The following FGF12 variants were observed in gnomAD, a reference collection of about 807,000 sequenced individuals.
FGF12 encodes the protein fibroblast growth factor 12B.
FGF12 carries 14 observed loss-of-function variants against 23.6 expected under a neutral mutation model. The observed-to-expected ratio is 0.59, with a 90% confidence interval of 0.39 to 0.93. FGF12 has a LOEUF of 0.93. FGF12 is among the 40% of genes least tolerant of loss of function. The probability of loss-of-function intolerance (pLI) is 0.00; values close to 1 mark genes in which losing one functional copy is unlikely to be tolerated. For synonymous variants in FGF12, 62 were observed against 77.3 expected (o/e 0.80, Z 1.04); for missense variants, 175 against 217.8 (o/e 0.80, Z 1.24).
intron 2 of FGF12, among the ~76,000 whole-genome samples, chr3:192,650,889 A>C (rs957369580): frequency 1.3e-5 from 2 of 152,232 alleles, no homozygotes; most frequent in Admixed American, 1.3e-4. Flanking sequence ...AAATATGAAT[A>C]ACATGAATAT....
rs149165916 is a variant in FGF12, at chr3:192,169,280, G to A, written c.427+1178C>T. ...CGCTGGAACCCAGGGGGCAGAGGCT[G>A]CAGTGAGCCGAGATTGCACCACCGC... On this transcript the variant is annotated intron_variant, in intron 5 of 5. Coordinates refer to ENST00000445105, the MANE Select transcript of FGF12 (RefSeq NM_004113.6). Among the ~76,000 whole-genome samples the A allele has an allele frequency of 2.8e-3, 419 of 152,284 alleles. 1 individual carries two copies. Among genetic ancestry groups the A allele is most frequent in the African/African-American group, 9.6e-3 (398 of 41,556 alleles).
At chr3:192,268,330 A>G (rs147530810) in intron 4 of FGF12, among the ~76,000 whole-genome samples, 5 of 152,302 alleles carry the variant, frequency 3.3e-5, no homozygotes, top group African/African-American at 1.2e-4. Context: ...ACTAGATTTA[A>G]CACCAGAACT....
chr3:192,326,340 G>A (rs964651145), intron 4 of FGF12, among the ~76,000 whole-genome samples: 1 of 152,088 alleles, frequency 6.6e-6, no homozygotes, highest in Non-Finnish European at 1.5e-5. Flanking sequence ...ATGATAGTGA[G>A]GAAGTAAAAG....
At chr3:192,551,925 T>G (rs1191424613) in intron 2 of FGF12, among the ~76,000 whole-genome samples, 1 of 152,054 alleles carries the variant, frequency 6.6e-6, no homozygotes, top group Non-Finnish European at 1.5e-5. Flanking sequence ...AATAAGGAGA[T>G]AAAGACCTTA....
chr3:192,542,351 T>C (rs1384467555), intron 2 of FGF12, among the ~76,000 whole-genome samples: 1 of 152,222 alleles, frequency 6.6e-6, no homozygotes, highest in Non-Finnish European at 1.5e-5. Context: ...TCTTTTTTAA[T>C]TATTTGAATT....
intron 2 of FGF12, among the ~76,000 whole-genome samples, chr3:192,581,509 T>TATAC (rs1445286163): frequency 2.9e-5 from 4 of 138,482 alleles, no homozygotes; most frequent in African/African-American, 1.1e-4. Context: ...TATATATATA[T>TATAC]ACAGGAAGAA....
intron 2 of FGF12, among the ~76,000 whole-genome samples, chr3:192,669,123 A>G (rs1231028608): frequency 1.3e-5 from 2 of 152,236 alleles, no homozygotes; most frequent in East Asian, 1.9e-4. Context: ...AAGAATCTCA[A>G]TAGATACGCT....
chr3:192,640,492 C>T (rs930963722), intron 2 of FGF12, among the ~76,000 whole-genome samples: 1 of 151,970 alleles, frequency 6.6e-6, no homozygotes, highest in African/African-American at 2.4e-5. Context: ...TATTCAGAGC[C>T]ATTAAATCAC....
rs1318020893 is a variant in FGF12, at chr3:192,409,452, C to T, written c.14-48914G>A. ...CGCCCTGGCGGGCTCGGGATCAGGT[C>T]ATCGCCGCGCTGCTGCCCGTGCCCC... On this transcript the variant is annotated intron_variant, in intron 2 of 5. Transcript: ENST00000445105. The surrounding 1 kb of genome is among the most constrained non-coding windows in gnomAD (Gnocchi z 4.8). Among the ~76,000 whole-genome samples, 2 of 152,160 alleles carry T rather than the reference C, an allele frequency of 1.3e-5. No homozygotes were observed. The highest frequency in any genetic ancestry group is 2.4e-5 in the African/African-American group (1 of 41,456).
chr3:192,578,779 A>T (rs988612000), intron 2 of FGF12, among the ~76,000 whole-genome samples: 1 of 152,236 alleles, frequency 6.6e-6, no homozygotes. Context: ...CTGGGTCACC[A>T]TATGTAAAAT....
chr3:192,399,812 T>C (rs1720680363), intron 2 of FGF12, among the ~76,000 whole-genome samples: 1 of 152,236 alleles, frequency 6.6e-6, no homozygotes, highest in South Asian at 2.1e-4. Context: ...TTGACCCATG[T>C]CATTCTTTAC....
chr3:192,721,066 A>T (rs1719024260), intron 2 of FGF12, among the ~76,000 whole-genome samples: 1 of 152,210 alleles, frequency 6.6e-6, no homozygotes, highest in Non-Finnish European at 1.5e-5. Flanking sequence ...ATAAGCACAC[A>T]AGAAATCCCT....
intron 2 of FGF12, among the ~76,000 whole-genome samples, chr3:192,726,731 CT>C (rs1367546988): frequency 1.3e-5 from 2 of 152,056 alleles, no homozygotes; most frequent in African/African-American, 4.8e-5. Flanking sequence ...GAAATACCAT[CT>C]TCATGAGGTG....
chr3:192,227,667 T>C (rs1718809901), intron 4 of FGF12, among the ~76,000 whole-genome samples: 1 of 149,934 alleles, frequency 6.7e-6, no homozygotes. Context: ...GTATATGAAA[T>C]TGAAGGAAAA....
At chr3:192,440,409 G>A (rs1221121698) in intron 2 of FGF12, among the ~76,000 whole-genome samples, 2 of 152,152 alleles carry the variant, frequency 1.3e-5, no homozygotes, top group East Asian at 3.9e-4. Flanking sequence ...AACAGCGGTG[G>A]CAGTGGGGCA....
intron 2 of FGF12, among the ~76,000 whole-genome samples, chr3:192,380,533 A>G (rs1011933340): frequency 6.6e-6 from 1 of 152,184 alleles, no homozygotes; most frequent in Admixed American, 6.5e-5. Context: ...CTAACTATAA[A>G]TAAATGCTCT....
At chr3:192,216,109 A>G (rs1192368445) in intron 4 of FGF12, among the ~76,000 whole-genome samples, 2 of 152,208 alleles carry the variant, frequency 1.3e-5, no homozygotes, top group African/African-American at 4.8e-5. Context: ...TTCCTCTGAA[A>G]CCAATTTCCA....
chr3:192,258,090 G>A (rs191228144), intron 4 of FGF12, among the ~76,000 whole-genome samples: 1 of 151,608 alleles, frequency 6.6e-6, no homozygotes, highest in East Asian at 1.9e-4. Flanking sequence ...TTGTTTGTTT[G>A]TTTGTTTGCA....
chr3:192,190,637 G>A (rs1716738460), intron 4 of FGF12, among the ~76,000 whole-genome samples: 2 of 151,600 alleles, frequency 1.3e-5, no homozygotes, highest in Admixed American at 6.6e-5. Flanking sequence ...CACCGCGCCC[G>A]GCTAATTTTT....
Sources: allele counts gnomAD v4.1 joint callset (sites outside exome capture counted in the v4.1 genomes callset), GRCh38; gene constraint gnomAD v4.1.1; non-coding constraint Gnocchi (gnomAD v3.1); transcripts MANE v1.5; gene names NCBI Gene and HGNC (gene_info 2026-07-23, HGNC 2026-07-21).